The following NGFR variants were observed in gnomAD, a reference collection of about 807,000 sequenced individuals.
NGFR encodes nerve growth factor receptor.
NGFR carries 30 observed loss-of-function variants against 43.2 expected under a neutral mutation model. The observed-to-expected ratio is 0.69, with a 90% confidence interval of 0.52 to 0.94. The LOEUF is 0.94. Ranked by LOEUF, NGFR falls within the 40% of genes least tolerant of loss-of-function variation. The pLI is 0.00. For missense variants in NGFR, 529 were observed against 602.5 expected (o/e 0.88, Z 1.28); for synonymous variants, 246 against 259.6 (o/e 0.95, Z 0.50).
intron 2 of NGFR, among the ~76,000 whole-genome samples, chr17:49,504,780 T>C (rs201223506): frequency 4.3e-5 from 6 of 141,090 alleles, no homozygotes; most frequent in South Asian, 2.3e-4. Context: ...TTTTTTTTTT[T>C]TTTTTTTTTT....
At chr17:49,499,055 G>T (rs902241164) in intron 1 of NGFR, among the ~76,000 whole-genome samples, 11 of 152,256 alleles carry the variant, frequency 7.2e-5, no homozygotes, top group African/African-American at 2.6e-4. Context: ...CTGAGGTTTA[G>T]GGAAATTAAG....
chr17:49,496,934 T>A (rs1597858325), intron 1 of NGFR: 1 of 152,094 alleles, frequency 6.6e-6, no homozygotes, highest in African/African-American at 2.4e-5. Context: ...GGAGGAGGCG[T>A]CTTCACTCTC....
chr17:49,502,213 A>G lies in NGFR; in HGVS notation c.208+9A>G. On this transcript the variant is annotated intron_variant, in intron 2 of 5. Coordinates refer to ENST00000172229, the MANE Select transcript of NGFR (RefSeq NM_002507.4). ...TGAGCCCTGCCTGGACAGTGAGTAG[A>G]GGGTGGCGGGCAGGAGGAGGGGAGA... 1 of 1,586,470 alleles carries G rather than the reference A, an allele frequency of 6.3e-7. No homozygotes were observed. Among genetic ancestry groups the G allele is most frequent in the Non-Finnish European group, 8.6e-7 (1 of 1,162,190 alleles).
chr17:49,502,018 C>CCCCCCCATAAAA, intron 1 of NGFR, 45 bp from the exon 2 acceptor site: 1 of 1,320,364 alleles, frequency 7.6e-7, no homozygotes. Flanking sequence ...CAACCCACCC[C>CCCCCCCATAAAA]AGCTTTCTCT....
rs11466130 is a variant in NGFR at position 49,501,232 on chromosome 17, G to C, written c.67-831G>C. ...CAGCCCTGTTCCCAGTGGCCACATG[G>C]GGGAGGGGGAGGACTGGTGGCTGGA... On this transcript the variant is annotated intron_variant, in intron 1 of 5. Coordinates refer to ENST00000172229, the MANE Select transcript of NGFR (RefSeq NM_002507.4). 2.6e-3 allele frequency among the ~76,000 whole-genome samples: 390 copies of C among 152,342 alleles called. 1 individual carries two copies. Among genetic ancestry groups the C allele is most frequent in the African/African-American group, 9.0e-3 (375 of 41,576 alleles).
rs551047328 is a variant in NGFR at position 49,509,660 on chromosome 17, C to T, written c.569-752C>T. 8.5e-4 allele frequency among the ~76,000 whole-genome samples: 129 copies of T among 152,302 alleles called. 3 individuals are homozygous for T. The highest frequency in any genetic ancestry group is 3.4e-3 in the Middle Eastern group (1 of 294). On this transcript the variant is annotated intron_variant, in intron 3 of 5. Coordinates refer to ENST00000172229, the MANE Select transcript of NGFR (RefSeq NM_002507.4). ...CTCCACTGGCTCTCTGCTTCCTGAC[C>T]AAGGAGGGTTGGGGCTACCTGATGC...
intron 4 of NGFR, 24 bp from the exon 5 acceptor site, chr17:49,511,868 A>G (rs1597864674): frequency 6.3e-7 from 1 of 1,577,198 alleles, no homozygotes; most frequent in South Asian, 1.2e-5. Context: ...GCCCCCTGAA[A>G]CCTGGCCTGT....
chr17:49,502,730 G>T (rs2071173976), intron 2 of NGFR, among the ~76,000 whole-genome samples: 1 of 151,986 alleles, frequency 6.6e-6, no homozygotes, highest in Non-Finnish European at 1.5e-5. Flanking sequence ...CAGGGATGGG[G>T]GTCAGAGCGC....
chr17:49,508,835 C>A (rs1004741406), intron 3 of NGFR, among the ~76,000 whole-genome samples: 7 of 152,166 alleles, frequency 4.6e-5, no homozygotes, highest in African/African-American at 1.7e-4. Context: ...CGCCTTGCTA[C>A]CCTCCCAGCC....
chr17:49,511,848 A>G (rs1429019568), intron 4 of NGFR, 44 bp from the exon 5 acceptor site: 6 of 1,515,732 alleles, frequency 4.0e-6, no homozygotes, highest in Non-Finnish European at 5.3e-6. Flanking sequence ...ATCGGCCACT[A>G]CAGCCCCTCG....
chr17:49,511,521 T>TG (rs2071232128), intron 4 of NGFR, among the ~76,000 whole-genome samples: 3 of 145,038 alleles, frequency 2.1e-5, no homozygotes, highest in African/African-American at 5.5e-5. Flanking sequence ...GGACATTTGT[T>TG]TTTTTTTTTT....
At chr17:49,509,605 A>G (rs1246682053) in intron 3 of NGFR, among the ~76,000 whole-genome samples, 1 of 152,196 alleles carries the variant, frequency 6.6e-6, no homozygotes, top group East Asian at 1.9e-4. Context: ...CAGCTGAGGC[A>G]TTGAGCTGGA....
Position 49,510,593 on chromosome 17 carries a change from C to G in NGFR, c.750C>G (p.Asn250Lys), listed in dbSNP as rs1267672602. ...QPVVTRGTTD[N>K]LIPVYCSILA... is the part of the protein sequence containing the mutation. Reference sequence around the variant, plus strand: ...TGGTGACCCGAGGCACCACCGACAACCTCATCCCTGTCTATTGCTCCATCC... The same window carrying G: ...TGGTGACCCGAGGCACCACCGACAAGCTCATCCCTGTCTATTGCTCCATCC... Residue 250 changes from asparagine to lysine, a missense_variant, in exon 4 of 6, where the codon AAC (asparagine) becomes AAG (lysine). By Grantham distance (94) the Asn-to-Lys change is moderately conservative. Transcript: ENST00000172229. The G allele has an allele frequency of 9.3e-6, 15 of 1,613,982 alleles. No homozygotes were observed. Among genetic ancestry groups the G allele is most frequent in the Non-Finnish European group, 8.5e-7 (1 of 1,180,032 alleles).
chr17:49,503,644 T>C (rs945368535), intron 2 of NGFR, among the ~76,000 whole-genome samples: 3 of 152,192 alleles, frequency 2.0e-5, no homozygotes, highest in African/African-American at 4.8e-5. Context: ...TTGTGGATCC[T>C]GTAACACCAT....
At chr17:49,510,012 G>T (rs11466154) in intron 3 of NGFR, among the ~76,000 whole-genome samples, 1 of 152,124 alleles carries the variant, frequency 6.6e-6, no homozygotes. Flanking sequence ...CTGTGGTCAG[G>T]CTTCTTTGTG....
intron 2 of NGFR, 131 bp downstream of exon 2, chr17:49,502,335 G>T: frequency 9.6e-7 from 1 of 1,042,418 alleles, no homozygotes. Context: ...GTCATCAGAA[G>T]TGGGTCTGAC....
chr17:49,513,060 CA>C lies in NGFR; in HGVS notation c.*52del. On this transcript the variant is annotated 3_prime_UTR_variant, in exon 6 of 6. Coordinates refer to ENST00000172229, the MANE Select transcript of NGFR (RefSeq NM_002507.4). ...CCCCACATTCCGACAACCGATGCTC[CA>C]GCCAACCCCTGTGGAGCCCGCACCC... 6.9e-7 allele frequency: 1 copy of C among 1,457,918 alleles called. No individual in the cohort carries two copies. Among genetic ancestry groups the C allele is most frequent in the Non-Finnish European group, 9.1e-7 (1 of 1,104,252 alleles). 90.3% of individuals were successfully genotyped at this position (1,457,918 alleles called of 1,614,324 possible). A position where few individuals can be genotyped will look rare whatever the true frequency, so the allele number is the denominator to read the frequency against.
At chr17:49,505,976 A>T (rs1402360754) in intron 2 of NGFR, 9 of 346,438 alleles carry the variant, frequency 2.6e-5, no homozygotes, top group Non-Finnish European at 4.7e-5. Context: ...CTGGGAACAT[A>T]GTACAGGCCT....
intron 1 of NGFR, among the ~76,000 whole-genome samples, chr17:49,498,185 G>A (rs1239677696): frequency 6.6e-6 from 1 of 152,048 alleles, no homozygotes; most frequent in Non-Finnish European, 1.5e-5. Flanking sequence ...TCCTACATAT[G>A]CCAGGCTCCC....
Sources: gnomAD v4.1 joint callset for allele counts (sites outside exome capture counted in the v4.1 genomes callset) on GRCh38, gnomAD v4.1.1 for gene constraint, MANE v1.5 for transcripts, NCBI Gene and HGNC (gene_info 2026-07-23, HGNC 2026-07-21) for gene names.